Variants in HCN1 observed in about 807,000 individuals in gnomAD.
The protein encoded by HCN1 is hyperpolarization activated cyclic nucleotide gated potassium channel 1.
Under a neutral mutation model 78.9 loss-of-function variants are expected in HCN1, and 13 were observed. The observed-to-expected ratio is 0.16, with a 90% CI of 0.11 to 0.26. HCN1 has a LOEUF of 0.26. Ranked by LOEUF, HCN1 falls within the 10% of genes least tolerant of loss-of-function variation. HCN1 has a pLI of 1.00. For missense variants in HCN1, 810 were observed against 1,154.3 expected, an observed-to-expected ratio of 0.70 and a Z score of 4.32; for synonymous variants, 552 against 455.5, an observed-to-expected ratio of 1.21 and a Z score of -2.70.
chr5:45,289,389 A>G (rs546607455), intron 6 of HCN1, among the ~76,000 whole-genome samples: 2 of 152,194 alleles, frequency 1.3e-5, no homozygotes, highest in East Asian at 3.9e-4. Flanking sequence ...GTACTTGCAT[A>G]CTTTGTTGAA....
intron 2 of HCN1, among the ~76,000 whole-genome samples, chr5:45,611,113 T>C (rs1744825484): frequency 6.6e-6 from 1 of 151,384 alleles, no homozygotes; most frequent in East Asian, 1.9e-4. Context: ...AGCACTGGCA[T>C]GATCTTGGGT....
chr5:45,366,808 A>G (rs1747247574), intron 4 of HCN1, among the ~76,000 whole-genome samples: 1 of 151,836 alleles, frequency 6.6e-6, no homozygotes, highest in Non-Finnish European at 1.5e-5. Flanking sequence ...TAACAAAGAT[A>G]TTCCTTCAGT....
rs141954125 is a variant in HCN1 at position 45,354,828 on chromosome 5, A to C, written c.1231-1582T>G. On this transcript the variant is annotated intron_variant, in intron 4 of 7. Transcript: ENST00000303230. Reference sequence around the variant, plus strand: ...GTGAGAATCTGAAACCTTAACTGACACATTGAGATCTTCATTTCTACTTTC... The same window carrying C: ...GTGAGAATCTGAAACCTTAACTGACCCATTGAGATCTTCATTTCTACTTTC... 1.6e-4 allele frequency among the ~76,000 whole-genome samples: 24 copies of C among 152,098 alleles called. No individual in the cohort carries two copies. The East Asian group carries it at 4.7e-3, about 29-fold the overall frequency.
rs758161575 is a variant in HCN1, at chr5:45,258,836, A to G, written c.*3085T>C. ...GGTATGTTATAAAACTATTATAACA[A>G]AATAGGTATGTCATAGAACTATTAT... On this transcript the variant is annotated 3_prime_UTR_variant, in exon 8 of 8. Transcript: ENST00000303230. 2 of 152,028 alleles carry G rather than the reference A, an allele frequency of 1.3e-5. No homozygotes were observed. Among genetic ancestry groups the G allele is most frequent in the Non-Finnish European group, 2.9e-5 (2 of 67,940 alleles). The allele number at this position is 152,028 out of a possible 1,614,324, so 9.4% of individuals were successfully genotyped here. A position where few individuals can be genotyped will look rare whatever the true frequency, so the allele number is the denominator to read the frequency against.
chr5:45,402,894 T>C (rs1339660322), intron 3 of HCN1, among the ~76,000 whole-genome samples: 11 of 134,658 alleles, frequency 8.2e-5, no homozygotes, highest in African/African-American at 3.0e-4. Context: ...CCCTCCCTCC[T>C]TTTCTTTTCT....
At chr5:45,531,736 T>C (rs1368400761) in intron 2 of HCN1, among the ~76,000 whole-genome samples, 1 of 152,142 alleles carries the variant, frequency 6.6e-6, no homozygotes, top group Non-Finnish European at 1.5e-5. Flanking sequence ...TTTTCAAATA[T>C]GTTCCAACAT....
At chr5:45,372,783 A>G in intron 4 of HCN1, among the ~76,000 whole-genome samples, 1 of 141,068 alleles carries the variant, frequency 7.1e-6, no homozygotes, top group South Asian at 2.2e-4. Context: ...CGTATTCTAT[A>G]CACAAAAATA....
chr5:45,317,732 A>G (rs1029885413), intron 5 of HCN1, among the ~76,000 whole-genome samples: 1 of 152,032 alleles, frequency 6.6e-6, no homozygotes, highest in African/African-American at 2.4e-5. Context: ...AAAACAAACA[A>G]CCCCATCAAA....
At chr5:45,436,596 T>C (rs1740564084) in intron 3 of HCN1, among the ~76,000 whole-genome samples, 1 of 152,242 alleles carries the variant, frequency 6.6e-6, no homozygotes, top group African/African-American at 2.4e-5. Flanking sequence ...CTCAGTTTGC[T>C]ATGGCAAGTA....
At chr5:45,479,885 C>A (rs931821388) in intron 2 of HCN1, among the ~76,000 whole-genome samples, 1 of 152,144 alleles carries the variant, frequency 6.6e-6, no homozygotes, top group African/African-American at 2.4e-5. Flanking sequence ...CATACCATTT[C>A]TTCTCCTAAT....
intron 5 of HCN1, among the ~76,000 whole-genome samples, chr5:45,305,781 G>A (rs1326432176): frequency 6.8e-6 from 1 of 146,374 alleles, no homozygotes; most frequent in East Asian, 2.0e-4. Context: ...AAGAAAGGAA[G>A]GAAGGAAGGA....
chr5:45,560,752 A>C (rs1288325804), intron 2 of HCN1, among the ~76,000 whole-genome samples: 1 of 152,068 alleles, frequency 6.6e-6, no homozygotes, highest in Non-Finnish European at 1.5e-5. Flanking sequence ...CTGCTCTATG[A>C]GTCTAATGCT....
intron 5 of HCN1, among the ~76,000 whole-genome samples, chr5:45,331,002 T>C (rs1246286790): frequency 2.0e-5 from 3 of 151,368 alleles, no homozygotes; most frequent in South Asian, 2.1e-4. Flanking sequence ...CCTTGAAATA[T>C]ATAATTTAGA....
rs115252767 is a variant in HCN1 at position 45,614,998 on chromosome 5, C to T, written c.849+30187G>A. Among the ~76,000 whole-genome samples, 444 of 151,218 alleles carry T rather than the reference C, an allele frequency of 2.9e-3. 2 individuals carry two copies. The highest frequency in any genetic ancestry group is 0.01 in the African/African-American group (415 of 41,300). ...AAAAAAAAAAAACGTAATTCAACTT[C>T]GTTAATTTGTTTTTAATTTTCCAAA... On this transcript the variant is annotated intron_variant, in intron 2 of 7. Coordinates refer to ENST00000303230, the MANE Select transcript of HCN1 (RefSeq NM_021072.4).
At chr5:45,280,557 A>G (rs1214245841) in intron 6 of HCN1, among the ~76,000 whole-genome samples, 1 of 152,162 alleles carries the variant, frequency 6.6e-6, no homozygotes, top group African/African-American at 2.4e-5. Flanking sequence ...ACTGGAAGCC[A>G]ATAGCAAACT....
At chr5:45,423,446 C>CAGCTT (rs1740268811) in intron 3 of HCN1, among the ~76,000 whole-genome samples, 1 of 152,184 alleles carries the variant, frequency 6.6e-6, no homozygotes, top group Admixed American at 6.6e-5. Flanking sequence ...AAAGCCTCCA[C>CAGCTT]TGTAGTCAAT....
At chr5:45,379,240 AGT>A (rs1410598061) in intron 4 of HCN1, among the ~76,000 whole-genome samples, 1 of 152,132 alleles carries the variant, frequency 6.6e-6, no homozygotes, top group Non-Finnish European at 1.5e-5. Context: ...TCCCACCAAC[AGT>A]GTAAAAGTGT....
At chr5:45,526,481 A>C (rs1198633281) in intron 2 of HCN1, among the ~76,000 whole-genome samples, 4 of 151,850 alleles carry the variant, frequency 2.6e-5, no homozygotes, top group African/African-American at 9.7e-5. Flanking sequence ...TGCACTCTCT[A>C]CCTTTCTCTT....
chr5:45,274,381 C>T (rs779709866), intron 6 of HCN1, among the ~76,000 whole-genome samples: 7 of 152,210 alleles, frequency 4.6e-5, no homozygotes, highest in South Asian at 2.1e-4. Context: ...AGAGTGATCA[C>T]GTGGGCCTCT....
Sources: allele counts gnomAD v4.1 joint callset (sites outside exome capture counted in the v4.1 genomes callset), GRCh38; gene constraint gnomAD v4.1.1; transcripts MANE v1.5; gene names NCBI Gene and HGNC (gene_info 2026-07-23, HGNC 2026-07-21).